The following SLC22A23 variants were observed in gnomAD, a reference collection of about 807,000 sequenced individuals.
SLC22A23 encodes solute carrier family 22 member 23.
SLC22A23 carries 26 observed loss-of-function variants against 61.0 expected under a neutral mutation model. That is an observed-to-expected ratio of 0.43 (90% confidence interval 0.31 to 0.59). The LOEUF (loss-of-function observed/expected upper bound fraction) is 0.59, where lower values mean the gene tolerates loss of function less well. Among genes scored for constraint, SLC22A23 ranks in the 20% least tolerant of loss-of-function variants. SLC22A23 has a pLI of 0.11. For synonymous variants in SLC22A23, 430 were observed against 413.9 expected (o/e 1.04, Z -0.47); for missense variants, 796 against 934.7 (o/e 0.85, Z 1.94).
intron 1 of SLC22A23, among the ~76,000 whole-genome samples, chr6:3,422,191 G>A (rs1561970609): frequency 6.6e-6 from 1 of 152,218 alleles, no homozygotes; most frequent in Non-Finnish European, 1.5e-5. Context: ...CTGGGTCGCA[G>A]GAATTTAGAG....
intron 4 of SLC22A23, among the ~76,000 whole-genome samples, chr6:3,301,081 C>G (rs1247739664): frequency 1.3e-5 from 2 of 152,030 alleles, no homozygotes; most frequent in Admixed American, 6.6e-5. Flanking sequence ...GAAATAGAAA[C>G]AGATACATGA....
rs527575465 is a variant in SLC22A23, at chr6:3,364,899, G to A, written c.914-40897C>T. On this transcript the variant is annotated intron_variant, in intron 3 of 9. Coordinates refer to ENST00000406686, the MANE Select transcript of SLC22A23 (RefSeq NM_015482.2). The stretch of plus-strand genomic sequence containing the variant: ...GCTCACTCTGGCGGTGTGGTGGAGA[G>A]GGGGTAGGGGGACGGCAAAAAAGTG... Among the ~76,000 whole-genome samples, 200 of 152,310 alleles carry A rather than the reference G, an allele frequency of 1.3e-3. 3 individuals carry two copies. The highest frequency in any genetic ancestry group is 4.7e-3 in the African/African-American group (196 of 41,556).
rs112740578 is a variant in SLC22A23, at chr6:3,322,005, T to C, written c.1082+1829A>G. ...TTAATGAGCAAGTATTTATTGCATG[T>C]ACCAGGGTGCCCGGCAGCCTACTTG... On this transcript the variant is annotated intron_variant, in intron 4 of 9. Coordinates refer to ENST00000406686, the MANE Select transcript of SLC22A23 (RefSeq NM_015482.2). The surrounding 1 kb of genome is among the most constrained non-coding windows in gnomAD (Gnocchi z 4.1). Among the ~76,000 whole-genome samples the C allele has an allele frequency of 7.4e-3, 1,120 of 152,286 alleles. 18 individuals are homozygous for C. The highest frequency in any genetic ancestry group is 0.026 in the African/African-American group (1,067 of 41,556).
At chr6:3,351,633 C>T (rs1764775797) in intron 3 of SLC22A23, among the ~76,000 whole-genome samples, 2 of 151,864 alleles carry the variant, frequency 1.3e-5, no homozygotes, top group African/African-American at 4.8e-5. Context: ...CTCCCCTCGA[C>T]CTTTCCTGGC....
intron 3 of SLC22A23, among the ~76,000 whole-genome samples, chr6:3,401,730 G>C (rs1161091923): frequency 1.3e-5 from 2 of 152,160 alleles, no homozygotes; most frequent in African/African-American, 4.8e-5. Flanking sequence ...TCTCTCCACT[G>C]GTTCTTCTAC....
At chr6:3,437,978 A>C (rs1215703701) in intron 1 of SLC22A23, among the ~76,000 whole-genome samples, 5 of 152,034 alleles carry the variant, frequency 3.3e-5, no homozygotes, top group Non-Finnish European at 5.9e-5. Context: ...AGCCCCAGAC[A>C]GGCTCCTGTG....
chr6:3,397,369 C>T (rs544268765), intron 3 of SLC22A23, among the ~76,000 whole-genome samples: 2 of 152,332 alleles, frequency 1.3e-5, no homozygotes, highest in East Asian at 3.9e-4. Context: ...TGGAGAGTCA[C>T]ATCCTGGCTG....
intron 3 of SLC22A23, among the ~76,000 whole-genome samples, chr6:3,347,050 C>G (rs935553076): frequency 6.6e-6 from 1 of 152,094 alleles, no homozygotes; most frequent in Admixed American, 6.5e-5. Flanking sequence ...TCTTTCACAA[C>G]GTTTTTTTTT....
chr6:3,374,074 CTACT>C (rs1413163308), intron 3 of SLC22A23, among the ~76,000 whole-genome samples: 1 of 152,234 alleles, frequency 6.6e-6, no homozygotes, highest in Admixed American at 6.5e-5. Context: ...CAAAACCTCA[CTACT>C]TAACCATTAT....
intron 3 of SLC22A23, among the ~76,000 whole-genome samples, chr6:3,370,542 G>A (rs1353193247): frequency 6.6e-6 from 1 of 152,238 alleles, no homozygotes; most frequent in Non-Finnish European, 1.5e-5. Context: ...TGGCCTGCGG[G>A]GCAGCTCATG....
At chr6:3,307,650 C>T (rs1437748210) in intron 4 of SLC22A23, among the ~76,000 whole-genome samples, 2 of 152,218 alleles carry the variant, frequency 1.3e-5, no homozygotes, top group Admixed American at 6.5e-5. Flanking sequence ...AGGAACCACA[C>T]CACGGTAGGT....
At chr6:3,445,083 A>T in intron 1 of SLC22A23, 1 of 587,280 alleles carries the variant, frequency 1.7e-6, no homozygotes, top group Non-Finnish European at 2.1e-6. Flanking sequence ...CCTCAAGGTC[A>T]GGCAGCACTG....
chr6:3,305,975 G>A (rs924753816), intron 4 of SLC22A23, among the ~76,000 whole-genome samples: 2 of 152,184 alleles, frequency 1.3e-5, no homozygotes, highest in African/African-American at 4.8e-5. Context: ...TGGAGGCTCT[G>A]GAGGCTGGGT....
At chr6:3,385,522 C>CA (rs58552606) in intron 3 of SLC22A23, among the ~76,000 whole-genome samples, 264 of 150,330 alleles carry the variant, frequency 1.8e-3, no homozygotes, top group African/African-American at 6.1e-3. Flanking sequence ...TCTCAAAAAA[C>CA]AAAAAAAAAG....
At position 3,410,383 on chromosome 6, in the gene SLC22A23, C is replaced by G. The variant is rs1045068217; in HGVS notation, c.759-41G>C. On this transcript the variant is annotated intron_variant, in intron 2 of 9. Transcript: ENST00000406686. This position sits in a 1 kb window ranked among gnomAD's most constrained non-coding sequence, Gnocchi z 5.0. ...GAAAAAGTTAGGAATCATTGTGAAA[C>G]AAGACAATGACGCTAGATGCTGAAA... The G allele has an allele frequency of 1.1e-5, 17 of 1,536,606 alleles. No homozygotes were observed. Among genetic ancestry groups the G allele is most frequent in the Non-Finnish European group, 1.5e-5 (17 of 1,140,078 alleles).
intron 3 of SLC22A23, among the ~76,000 whole-genome samples, chr6:3,352,985 A>AT (rs1561918157): frequency 6.6e-6 from 1 of 152,154 alleles, no homozygotes; most frequent in Non-Finnish European, 1.5e-5. Flanking sequence ...ACAGGGTCAA[A>AT]ATATGTATGA....
At chr6:3,349,245 C>T (rs747836400) in intron 3 of SLC22A23, among the ~76,000 whole-genome samples, 22 of 152,236 alleles carry the variant, frequency 1.4e-4, no homozygotes, top group Non-Finnish European at 2.6e-4. Context: ...AGCAGCTCAG[C>T]ACTGAGCTGG....
intron 3 of SLC22A23, among the ~76,000 whole-genome samples, chr6:3,404,547 C>A (rs1342445676): frequency 6.6e-6 from 1 of 152,130 alleles, no homozygotes; most frequent in Admixed American, 6.5e-5. Flanking sequence ...AGGACTGGCA[C>A]AATTTTGAGA....
intron 4 of SLC22A23, among the ~76,000 whole-genome samples, chr6:3,310,818 A>G (rs1301767684): frequency 6.6e-6 from 1 of 152,242 alleles, no homozygotes; most frequent in African/African-American, 2.4e-5. Flanking sequence ...TGGCAACTGT[A>G]TGAGACGCAC....
Sources: gnomAD v4.1 joint callset for allele counts (sites outside exome capture counted in the v4.1 genomes callset) on GRCh38, gnomAD v4.1.1 for gene constraint, Gnocchi (gnomAD v3.1) non-coding constraint, MANE v1.5 for transcripts, NCBI Gene and HGNC (gene_info 2026-07-23, HGNC 2026-07-21) for gene names.